The following TMEM265 variants were observed in gnomAD, a reference collection of about 807,000 sequenced individuals.
The protein encoded by TMEM265 is transmembrane protein 265.
TMEM265 carries 8 observed loss-of-function variants against 9.5 expected under a neutral mutation model. That is an observed-to-expected ratio of 0.84 (90% CI 0.49 to 1.52). TMEM265 has a LOEUF of 1.52. Ranked by LOEUF, TMEM265 falls within the 40% of genes most tolerant of loss-of-function variation. The probability of loss-of-function intolerance (pLI) is 0.00; values close to 1 mark genes in which losing one functional copy is unlikely to be tolerated. For missense variants in TMEM265, 152 were observed against 146.2 expected, an observed-to-expected ratio of 1.04 and a Z score of -0.21; for synonymous variants, 53 against 56.9, an observed-to-expected ratio of 0.93 and a Z score of 0.31.
chr16:30,741,805 C>T lies in TMEM265; in HGVS notation c.62C>T (p.Ser21Phe). The part of the protein sequence containing the change: ...LGNTEAAHPP[S>F]PIRCCWLRLR... ...AACACGGAAGCTGCTCATCCTCCATCCCCCATCCGCTGCTGCTGGCTCCGC... is the reference window on the plus strand; with the variant it reads ...AACACGGAAGCTGCTCATCCTCCATTCCCCATCCGCTGCTGCTGGCTCCGC... Residue 21 changes from serine to phenylalanine, a missense_variant, in exon 2 of 3, where the codon TCC becomes TTC. Physicochemically the swap from Ser to Phe is radical, Grantham distance 155. Transcript: ENST00000615541. 3 of 1,533,988 alleles carry T rather than the reference C, an allele frequency of 2.0e-6. No individual in the cohort carries two copies. Among genetic ancestry groups the T allele is most frequent in the Non-Finnish European group, 1.7e-6 (2 of 1,146,728 alleles).
At position 30,744,019 on chromosome 16, in the gene TMEM265, A is replaced by G; in HGVS notation, c.*76A>G. The G allele has an allele frequency of 6.9e-7, 1 of 1,455,544 alleles. No homozygotes were observed. Among genetic ancestry groups the G allele is most frequent in the Non-Finnish European group, 9.1e-7 (1 of 1,096,572 alleles). 90.2% of individuals were successfully genotyped at this position (1,455,544 alleles called of 1,614,324 possible). ...TGCGGCATTGCTAAGGTCCTGTGAC[A>G]GCAGTGGTTGGAAGGATCCTGGTTG... On this transcript the variant is annotated 3_prime_UTR_variant, in exon 3 of 3. Coordinates refer to ENST00000615541, the MANE Select transcript of TMEM265 (RefSeq NM_001256829.2).
chr16:30,744,194 A>G lies in TMEM265; in HGVS notation c.*251A>G, dbSNP rs2053242618. ...CATCTCCCCTACCCTAGCCCACCCT[A>G]GGGCCTCTACCCAGCGGGAGGGGTT... On this transcript the variant is annotated 3_prime_UTR_variant, in exon 3 of 3. Coordinates refer to ENST00000615541, the MANE Select transcript of TMEM265 (RefSeq NM_001256829.2). The G allele has an allele frequency of 2.5e-6, 1 of 392,918 alleles. No individual in the cohort carries two copies. The allele number at this position is 392,918 out of a possible 1,614,324, so 24.3% of individuals were successfully genotyped here. A position where few individuals can be genotyped will look rare whatever the true frequency, so the allele number is the denominator to read the frequency against.
chr16:30,743,666 T>G, intron 2 of TMEM265, 116 bp from the exon 3 acceptor site: 5 of 1,222,248 alleles, frequency 4.1e-6, no homozygotes, highest in Non-Finnish European at 4.4e-6. Context: ...GAAAGGGAGG[T>G]AGAGGGTTTG....
chr16:30,742,554 G>C (rs963971808), intron 2 of TMEM265, among the ~76,000 whole-genome samples: 3 of 152,218 alleles, frequency 2.0e-5, no homozygotes, highest in Non-Finnish European at 4.4e-5. Context: ...CCGCTGAACG[G>C]TGATGAGCGC....
At chr16:30,741,591 G>T (rs2053226027) in intron 1 of TMEM265, 150 bp from the exon 2 acceptor site, 1 of 804,250 alleles carries the variant, frequency 1.2e-6, no homozygotes, top group Non-Finnish European at 1.9e-6. Context: ...CCTGCTCTGT[G>T]AGTCACTAGA....
rs1390177702 is a variant in TMEM265 at position 30,743,929 on chromosome 16, G to A, written c.313G>A (p.Ala105Thr). Residue 105 changes from alanine (A) to threonine (T), a missense_variant, in exon 3 of 3, where the codon GCT (alanine) becomes ACT (threonine). Transcript: ENST00000615541. ...GCTGTGGTTGCTCTCCTACGCCATC[G>A]CTCAGGCTGAGTGACCCTGGATGGC... is the stretch of plus-strand genomic sequence containing the variant. Reference protein sequence around the residue: ...LLLWLLSYAIAQAE With the variant: ...LLLWLLSYAITQAE 5.9e-6 allele frequency: 9 copies of A among 1,533,508 alleles called. No homozygotes were observed. In the Admixed American group the frequency reaches 1.4e-4, roughly 23 times the overall value. The allele number at this position is 1,533,508 out of a possible 1,614,324, so 95.0% of individuals were successfully genotyped here. A position where few individuals can be genotyped will look rare whatever the true frequency, so the allele number is the denominator to read the frequency against.
chr16:30,742,646 C>T (rs1596672924), intron 2 of TMEM265, among the ~76,000 whole-genome samples: 1 of 152,038 alleles, frequency 6.6e-6, no homozygotes, highest in Admixed American at 6.6e-5. Flanking sequence ...AGCACATGTC[C>T]GCCGGGCGTG....
chr16:30,741,877 T>TG lies in TMEM265; in HGVS notation c.137dup (p.Val47SerfsTer15). 1 of 1,533,940 alleles carries TG rather than the reference T, an allele frequency of 6.5e-7. No homozygotes were observed. The highest frequency in any genetic ancestry group is 8.7e-7 in the Non-Finnish European group (1 of 1,146,728). On this transcript the variant is annotated frameshift_variant, in exon 2 of 3. Transcript: ENST00000615541. LOFTEE classifies it high-confidence loss of function. ...AGCATTATCTGTGGCTGCTCTTGCC[T>TG]GGGAGTCATGGCTCTGGTGTTTGCC...
rs1355229936 is a variant in TMEM265 at position 30,744,955 on chromosome 16, T to C, written c.*1012T>C. The C allele has an allele frequency of 4.6e-5, 7 of 152,184 alleles. No homozygotes were observed. The highest frequency in any genetic ancestry group is 1.0e-4 in the Non-Finnish European group (7 of 68,030). 9.4% of individuals were successfully genotyped at this position (152,184 alleles called of 1,614,324 possible). A position where few individuals can be genotyped will look rare whatever the true frequency, so the allele number is the denominator to read the frequency against. ...TATAGGAAAATACCCAAAACAAGTA[T>C]ACAGTTCATTAACACAAAGCAAACG... On this transcript the variant is annotated 3_prime_UTR_variant, in exon 3 of 3. Transcript: ENST00000615541.
Position 30,743,691 on chromosome 16 carries a change from AT to A in TMEM265, c.166-90del, listed in dbSNP as rs2053238549. ...TAGAGGGTTTGGATGTGAGATTTTG[AT>A]CCGTGACAGGGAAGGGGGAGCGGAG... On this transcript the variant is annotated intron_variant, in intron 2 of 2. Coordinates refer to ENST00000615541, the MANE Select transcript of TMEM265 (RefSeq NM_001256829.2). 3.9e-5 allele frequency: 54 copies of A among 1,394,076 alleles called. 2 individuals are homozygous for A. In the South Asian group the frequency reaches 7.7e-4, roughly 20 times the overall value. The allele number at this position is 1,394,076 out of a possible 1,614,324, so 86.4% of individuals were successfully genotyped here. A position where few individuals can be genotyped will look rare whatever the true frequency, so the allele number is the denominator to read the frequency against.
At chr16:30,743,640 T>G in intron 2 of TMEM265, 142 bp from the exon 3 acceptor site, 1 of 1,068,978 alleles carries the variant, frequency 9.4e-7, no homozygotes, top group Non-Finnish European at 1.3e-6. Flanking sequence ...AGATGAGAGG[T>G]TAGAATCAGA....
rs1250169627 is a variant in TMEM265 at position 30,743,986 on chromosome 16, T to A, written c.*43T>A. 1.3e-6 allele frequency: 2 copies of A among 1,515,010 alleles called. No individual in the cohort carries two copies. The highest frequency in any genetic ancestry group is 4.1e-5 in the Admixed American group (2 of 49,234). The allele number at this position is 1,515,010 out of a possible 1,614,324, so 93.8% of individuals were successfully genotyped here. A position where few individuals can be genotyped will look rare whatever the true frequency, so the allele number is the denominator to read the frequency against. On this transcript the variant is annotated 3_prime_UTR_variant, in exon 3 of 3. Transcript: ENST00000615541. ...TGAGAGCCAGCCGAGACCTCCTGGATCCTGCAATGCGGCATTGCTAAGGTC... is the reference window on the plus strand; with the variant it reads ...TGAGAGCCAGCCGAGACCTCCTGGAACCTGCAATGCGGCATTGCTAAGGTC...
At chr16:30,742,216 G>A (rs942179887) in intron 2 of TMEM265, among the ~76,000 whole-genome samples, 1 of 152,132 alleles carries the variant, frequency 6.6e-6, no homozygotes, top group African/African-American at 2.4e-5. Flanking sequence ...ATAGGTGACT[G>A]GAAAGGCATC....
At chr16:30,743,184 C>T (rs1415756176) in intron 2 of TMEM265, among the ~76,000 whole-genome samples, 5 of 151,936 alleles carry the variant, frequency 3.3e-5, no homozygotes, top group African/African-American at 1.2e-4. Context: ...GTCAGGAGTT[C>T]GAGACCAGCC....
At position 30,741,912 on chromosome 16, in the gene TMEM265, A is replaced by G. The variant is rs1364181752; in HGVS notation, c.165+4A>G. 1 of 1,533,406 alleles carries G rather than the reference A, an allele frequency of 6.5e-7. No homozygotes were observed. Among genetic ancestry groups the G allele is most frequent in the African/African-American group, 1.4e-5 (1 of 72,962 alleles). The allele number at this position is 1,533,406 out of a possible 1,614,324, so 95.0% of individuals were successfully genotyped here. A position where few individuals can be genotyped will look rare whatever the true frequency, so the allele number is the denominator to read the frequency against. On this transcript the variant is annotated splice_donor_region_variant and intron_variant, in intron 2 of 2. Coordinates refer to ENST00000615541, the MANE Select transcript of TMEM265 (RefSeq NM_001256829.2). ...GGCTCTGGTGTTTGCCATCAAGGTGAGGAGTGCAATTCCCATGGGAATGGG... is the reference window on the plus strand; with the variant it reads ...GGCTCTGGTGTTTGCCATCAAGGTGGGGAGTGCAATTCCCATGGGAATGGG...
chr16:30,742,209 G>A (rs2053231016), intron 2 of TMEM265, among the ~76,000 whole-genome samples: 1 of 152,164 alleles, frequency 6.6e-6, no homozygotes, highest in Non-Finnish European at 1.5e-5. Context: ...TGGTAGAATA[G>A]GTGACTGGAA....
At chr16:30,743,092 AT>A (rs2053235243) in intron 2 of TMEM265, among the ~76,000 whole-genome samples, 2 of 152,044 alleles carry the variant, frequency 1.3e-5, no homozygotes, top group Admixed American at 1.3e-4. Context: ...AGGGCCCTTA[AT>A]GATAACAAAG....
chr16:30,742,924 CAAA>C (rs11300181), intron 2 of TMEM265, among the ~76,000 whole-genome samples: 5 of 114,692 alleles, frequency 4.4e-5, no homozygotes, highest in Admixed American at 8.8e-5. Context: ...GACTCTGTCT[CAAA>C]AAAAAAAAAA....
chr16:30,744,495 G>A lies in TMEM265; in HGVS notation c.*552G>A, dbSNP rs2053244502. ...CACAGAGACTCTGAGGCCAAGAGTA[G>A]TAGCAGCTGCTACTATTTATTACTT... On this transcript the variant is annotated 3_prime_UTR_variant, in exon 3 of 3. Coordinates refer to ENST00000615541, the MANE Select transcript of TMEM265 (RefSeq NM_001256829.2). 1 of 152,190 alleles carries A rather than the reference G, an allele frequency of 6.6e-6. No individual in the cohort carries two copies. The highest frequency in any genetic ancestry group is 2.4e-5 in the African/African-American group (1 of 41,424). The allele number at this position is 152,190 out of a possible 1,614,324, so 9.4% of individuals were successfully genotyped here.
Sources: gnomAD v4.1 joint callset for allele counts (sites outside exome capture counted in the v4.1 genomes callset) on GRCh38, gnomAD v4.1.1 for gene constraint, MANE v1.5 for transcripts, NCBI Gene and HGNC (gene_info 2026-07-23, HGNC 2026-07-21) for gene names.